Variants in PEAR1 observed in about 807,000 individuals in gnomAD.
PEAR1 encodes the protein platelet endothelial aggregation receptor 1.
A neutral mutation model predicts 131.2 loss-of-function variants in PEAR1; 113 were observed. That is an observed-to-expected ratio of 0.86 (90% CI 0.74 to 1.01). The LOEUF (loss-of-function observed/expected upper bound fraction) is 1.01, where lower values mean the gene tolerates loss of function less well. PEAR1 is among the 50% of genes least tolerant of loss of function. PEAR1 has a pLI of 0.00. For synonymous variants in PEAR1, 565 were observed against 523.3 expected (o/e 1.08, Z -1.09); for missense variants, 1,408 against 1,391.1 (o/e 1.01, Z -0.19).
Position 156,908,324 on chromosome 1 carries a change from C to A in PEAR1, c.1099C>A (p.Arg367=). 2 of 1,543,888 alleles carry A rather than the reference C, an allele frequency of 1.3e-6. No individual in the cohort carries two copies. Among genetic ancestry groups the A allele is most frequent in the Non-Finnish European group, 1.7e-6 (2 of 1,148,476 alleles). Residue 367 remains arginine (R), a synonymous_variant, in exon 9 of 23, where the codon CGG becomes AGG. Coordinates refer to ENST00000292357, the MANE Select transcript of PEAR1 (RefSeq NM_001080471.3). The surrounding 1 kb of genome is among the most constrained non-coding windows in gnomAD (Gnocchi z 4.2). ...LSCQAPCTCD[R]EHSLSCHPMN... is the part of the protein sequence containing the mutation. ...CTGCCAGGCCCCCTGCACCTGCGAC[C>A]GGGAGCACAGCCTCAGGTGGGCCGC...
At position 156,906,661 on chromosome 1, in the gene PEAR1, C is replaced by T; in HGVS notation, c.425C>T (p.Pro142Leu). The T allele has an allele frequency of 6.2e-7, 1 of 1,614,196 alleles. No individual in the cohort carries two copies. Among genetic ancestry groups the T allele is most frequent in the Non-Finnish European group, 8.5e-7 (1 of 1,180,026 alleles). The change falls in exon 6 of 23, where the codon CCA (proline) becomes CTA (leucine). Residue 142 changes from proline to leucine, a missense_variant. Transcript: ENST00000292357. ...GAGTGTGCCCCAGGAATGTGGGGGC[C>T]ACAGTGTGACAAGCCCTGCAGCTGC... ...SSECAPGMWG[P>L]QCDKPCSCGN...
intron 3 of PEAR1, chr1:156,905,073 C>A: frequency 7.6e-7 from 1 of 1,319,252 alleles, no homozygotes; most frequent in Non-Finnish European, 1.1e-6. Context: ...CAGTATATGC[C>A]TGTGGGGTTG....
rs1263720724 is a variant in PEAR1 at position 156,907,701 on chromosome 1, G to T, written c.736G>T (p.Gly246Cys). The change falls in exon 7 of 23, where the codon GGC (glycine) becomes TGC (cysteine). Residue 246 changes from glycine (G) to cysteine (C), a missense_variant. Gly to Cys is a radical substitution (Grantham distance 159). Transcript: ENST00000292357. ...TGGAGGTGTCTTCCAAACCCCACAGGGCTCCTGCAGCTGCCCCCCTGGCTG... is the reference window on the plus strand; with the variant it reads ...TGGAGGTGTCTTCCAAACCCCACAGTGCTCCTGCAGCTGCCCCCCTGGCTG... ...QNGGVFQTPQ[G>C]SCSCPPGWMG... is the part of the protein sequence containing the mutation. The T allele has an allele frequency of 1.2e-6, 2 of 1,613,070 alleles. No homozygotes were observed. Among genetic ancestry groups the T allele is most frequent in the East Asian group, 4.5e-5 (2 of 44,854 alleles).
intron 21 of PEAR1, 29 bp from the exon 22 acceptor site, chr1:156,913,823 G>A (rs1391736447): frequency 6.2e-7 from 1 of 1,610,830 alleles, no homozygotes; most frequent in Non-Finnish European, 8.5e-7. Context: ...GTGCCTCCAT[G>A]CGGCCTGACT....
At chr1:156,905,621 C>A (rs954931719) in intron 4 of PEAR1, among the ~76,000 whole-genome samples, 197 bp downstream of exon 4, 4 of 152,086 alleles carry the variant, frequency 2.6e-5, no homozygotes, top group Non-Finnish European at 4.4e-5. Flanking sequence ...CACTTCACAC[C>A]CCTGTCTCCA....
intron 6 of PEAR1, 147 bp from the exon 7 acceptor site, chr1:156,907,463 G>C: frequency 7.1e-7 from 1 of 1,405,278 alleles, no homozygotes; most frequent in Non-Finnish European, 9.4e-7. Flanking sequence ...GGAAACCTTT[G>C]CTTTCTGACT....
In PEAR1 at chr1:156,902,155, C is replaced by G. The variant is rs1318853257; in HGVS notation, c.-9-1763C>G. Reference sequence around the variant, plus strand: ...CCCCCGTCACGCTCCCTGCTGTCCCCCTTCCTAGCCAGGCTCTGTTTCCTG... The same window carrying G: ...CCCCCGTCACGCTCCCTGCTGTCCCGCTTCCTAGCCAGGCTCTGTTTCCTG... On this transcript the variant is annotated intron_variant, in intron 1 of 22. Transcript: ENST00000292357. The surrounding 1 kb of genome is among the most constrained non-coding windows in gnomAD (Gnocchi z 4.3). 6.6e-6 allele frequency: 1 copy of G among 152,412 alleles called. No homozygotes were observed. The highest frequency in any genetic ancestry group is 1.5e-5 in the Non-Finnish European group (1 of 68,206). The allele number at this position is 152,412 out of a possible 1,614,324, so 9.4% of individuals were successfully genotyped here. A position where few individuals can be genotyped will look rare whatever the true frequency, so the allele number is the denominator to read the frequency against.
At chr1:156,910,205 C>T (rs1477618739) in intron 13 of PEAR1, 29 bp from the exon 14 acceptor site, 1 of 1,610,324 alleles carries the variant, frequency 6.2e-7, no homozygotes, top group Non-Finnish European at 8.5e-7. Flanking sequence ...GGGGCCCAGC[C>T]AGGCACACCC....
At chr1:156,910,443 A>G in intron 14 of PEAR1, 63 bp downstream of exon 14, 5 of 1,546,574 alleles carry the variant, frequency 3.2e-6, no homozygotes. Flanking sequence ...GTCAGCTGCC[A>G]GAGCACCCCT....
chr1:156,908,313 G>T lies in PEAR1; in HGVS notation c.1088G>T (p.Cys363Phe). The change falls in exon 9 of 23, where the codon TGC (cysteine) becomes TTC (phenylalanine). Residue 363 changes from cysteine to phenylalanine, a missense_variant. Cys to Phe is a radical substitution (Grantham distance 205). Transcript: ENST00000292357. This position sits in a 1 kb window ranked among gnomAD's most constrained non-coding sequence, Gnocchi z 4.2. Reference sequence around the variant, plus strand: ...TACGGTCTCAGCTGCCAGGCCCCCTGCACCTGCGACCGGGAGCACAGCCTC... The same window carrying T: ...TACGGTCTCAGCTGCCAGGCCCCCTTCACCTGCGACCGGGAGCACAGCCTC... ...GFYGLSCQAP[C>F]TCDREHSLSC... The T allele has an allele frequency of 6.4e-7, 1 of 1,556,244 alleles. No homozygotes were observed.
At chr1:156,896,335 G>A (rs1229887139) in intron 1 of PEAR1, among the ~76,000 whole-genome samples, 1 of 152,084 alleles carries the variant, frequency 6.6e-6, no homozygotes, top group African/African-American at 2.4e-5. Flanking sequence ...GGTAACCCAG[G>A]GGTTACCTCC....
intron 4 of PEAR1, 36 bp from the exon 5 acceptor site, chr1:156,906,240 G>A (rs764997968): frequency 2.5e-6 from 4 of 1,594,998 alleles, no homozygotes; most frequent in East Asian, 2.2e-5. Flanking sequence ...TAGGGGCAGG[G>A]GTGGACACAT....
intron 1 of PEAR1, among the ~76,000 whole-genome samples, chr1:156,894,742 C>T (rs1648994177): frequency 6.6e-6 from 1 of 152,202 alleles, no homozygotes; most frequent in South Asian, 2.1e-4. Context: ...TATGAGTGGC[C>T]TCTCCTGGGG....
chr1:156,894,119 C>G (rs1051871729), intron 1 of PEAR1, among the ~76,000 whole-genome samples: 3 of 152,322 alleles, frequency 2.0e-5, no homozygotes, highest in African/African-American at 7.2e-5. Flanking sequence ...AGCCCCTGGT[C>G]CCCGGACTTT....
chr1:156,908,906 C>T lies in PEAR1; in HGVS notation c.1291-10C>T, dbSNP rs751034742. 3 of 1,612,768 alleles carry T rather than the reference C, an allele frequency of 1.9e-6. No homozygotes were observed. The highest frequency in any genetic ancestry group is 1.3e-5 in the African/African-American group (1 of 75,060). On this transcript the variant is annotated splice_polypyrimidine_tract_variant and intron_variant, in intron 10 of 22. Coordinates refer to ENST00000292357, the MANE Select transcript of PEAR1 (RefSeq NM_001080471.3). This position sits in a 1 kb window ranked among gnomAD's most constrained non-coding sequence, Gnocchi z 4.2. ...TGGGCCGCCCCTCTCACCCGCTCAC[C>T]CTCTTTCAGGGCCCTCACTGTGCTA...
rs377191666 is a variant in PEAR1 at position 156,910,394 on chromosome 1, C to T, written c.1825+14C>T. 8 of 1,574,832 alleles carry T rather than the reference C, an allele frequency of 5.1e-6. No individual in the cohort carries two copies. Among genetic ancestry groups the T allele is most frequent in the Non-Finnish European group, 6.0e-6 (7 of 1,160,000 alleles). On this transcript the variant is annotated intron_variant, in intron 14 of 22. Transcript: ENST00000292357. ...CCTGCCAGAGATGTGAGGCTCCCTA[C>T]TGCCCCTTCCACCTGCCACCAGCAG...
At position 156,906,302 on chromosome 1, in the gene PEAR1, G is replaced by A. The variant is rs1650291282; in HGVS notation, c.334G>A (p.Gly112Ser). Residue 112 changes from glycine (G) to serine (S), a missense_variant, in exon 5 of 23, where the codon GGC becomes AGC. By Grantham distance (56) the Gly-to-Ser change is moderately conservative (BLOSUM62 0). Coordinates refer to ENST00000292357, the MANE Select transcript of PEAR1 (RefSeq NM_001080471.3). The stretch of plus-strand genomic sequence containing the variant: ...GCTCTGTGCCCAGGAGTGTGTCCAT[G>A]GCCGTTGTGTGGCACCCAATCAGTG... ...VPLCAQECVHGRCVAPNQCQC... is the reference protein window; with the variant it reads ...VPLCAQECVHSRCVAPNQCQC... 1 of 1,614,188 alleles carries A rather than the reference G, an allele frequency of 6.2e-7. No individual in the cohort carries two copies. Among genetic ancestry groups the A allele is most frequent in the East Asian group, 2.2e-5 (1 of 44,888 alleles).
chr1:156,906,494 T>C (rs1225083255), intron 5 of PEAR1, 126 bp downstream of exon 5: 3 of 1,530,702 alleles, frequency 2.0e-6, no homozygotes, highest in Admixed American at 1.8e-5. Context: ...CAGAGCCCCA[T>C]TGCTGCCATC....
rs774458159 is a variant in PEAR1 at position 156,914,680 on chromosome 1, C to T, written c.2996C>T (p.Pro999Leu). 1.2e-6 allele frequency: 2 copies of T among 1,613,648 alleles called. No homozygotes were observed. The highest frequency in any genetic ancestry group is 1.7e-6 in the Non-Finnish European group (2 of 1,179,724). ...TCTGTGGGCTCCCAGCCCCCTCTGC[C>T]TCCGGGCCTACCCCCCGGCCACTAT... ...RDSVGSQPPL[P>L]PGLPPGHYDS... The change falls in exon 23 of 23, where the codon CCT (proline) becomes CTT (leucine). Residue 999 changes from proline (P) to leucine (L), a missense_variant. Physicochemically the swap from Pro to Leu is moderately conservative, Grantham distance 98 (BLOSUM62 -3). Coordinates refer to ENST00000292357, the MANE Select transcript of PEAR1 (RefSeq NM_001080471.3).
Sources: allele counts gnomAD v4.1 joint callset (sites outside exome capture counted in the v4.1 genomes callset), GRCh38; gene constraint gnomAD v4.1.1; non-coding constraint Gnocchi (gnomAD v3.1); transcripts MANE v1.5; gene names NCBI Gene and HGNC (gene_info 2026-07-23, HGNC 2026-07-21).